GPC6: variants seen among roughly 807,000 people sequenced by gnomAD.
GPC6 encodes glypican 6.
Under a neutral mutation model 55.2 loss-of-function variants are expected in GPC6, and 14 were observed. That is an observed-to-expected ratio of 0.25 (90% CI 0.17 to 0.40). The LOEUF is 0.40. Among genes scored for constraint, GPC6 ranks in the 10% least tolerant of loss-of-function variants. The probability of loss-of-function intolerance (pLI) is 1.00; values close to 1 mark genes in which losing one functional copy is unlikely to be tolerated. For synonymous variants in GPC6, 278 were observed against 259.6 expected, an observed-to-expected ratio of 1.07 and a Z score of -0.68; for missense variants, 641 against 708.5, an observed-to-expected ratio of 0.90 and a Z score of 1.08.
At chr13:94,032,278 A>C (rs1271442896) in intron 4 of GPC6, among the ~76,000 whole-genome samples, 2 of 152,270 alleles carry the variant, frequency 1.3e-5, no homozygotes, top group Non-Finnish European at 2.9e-5. Flanking sequence ...TAATTATAAC[A>C]AACTATGACA....
upstream of GPC6, among the ~76,000 whole-genome samples, chr13:93,222,732 T>C (rs1875655891): frequency 1.3e-5 from 2 of 152,230 alleles, no homozygotes; most frequent in Admixed American, 6.5e-5. Flanking sequence ...TCATTGAGTT[T>C]GGTGTATAGG....
intron 4 of GPC6, among the ~76,000 whole-genome samples, chr13:94,209,992 C>T (rs560899942): frequency 6.6e-6 from 1 of 151,926 alleles, no homozygotes; most frequent in East Asian, 1.9e-4. Flanking sequence ...GGACCACAGG[C>T]ACATGCCACC....
At chr13:93,588,891 A>AT (rs1181161300) in intron 2 of GPC6, among the ~76,000 whole-genome samples, 1 of 152,116 alleles carries the variant, frequency 6.6e-6, no homozygotes, top group African/African-American at 2.4e-5. Flanking sequence ...GTTGCCTTTC[A>AT]TTCTTATTTT....
intron 2 of GPC6, among the ~76,000 whole-genome samples, chr13:93,591,571 A>C (rs1227377468): frequency 6.6e-6 from 1 of 152,008 alleles, no homozygotes; most frequent in Non-Finnish European, 1.5e-5. Flanking sequence ...ATGATTTTAT[A>C]TTCTTGGGGT....
chr13:93,301,194 G>A (rs1261946041), intron 1 of GPC6, among the ~76,000 whole-genome samples: 2 of 152,140 alleles, frequency 1.3e-5, no homozygotes, highest in South Asian at 4.1e-4. Flanking sequence ...TTGATAATGG[G>A]AATGCAAAAC....
At chr13:94,030,375 G>T (rs921419728) in intron 4 of GPC6, among the ~76,000 whole-genome samples, 1 of 151,966 alleles carries the variant, frequency 6.6e-6, no homozygotes, top group African/African-American at 2.4e-5. Context: ...TCCTTCTTTG[G>T]GTTCTGCTGT....
At chr13:93,399,253 A>G (rs1875979774) in intron 1 of GPC6, among the ~76,000 whole-genome samples, 1 of 152,194 alleles carries the variant, frequency 6.6e-6, no homozygotes, top group Non-Finnish European at 1.5e-5. Context: ...GGGCTTGTGC[A>G]TCTTCTCTTC....
chr13:93,604,742 G>T (rs7327692), intron 2 of GPC6, among the ~76,000 whole-genome samples: 14,296 of 152,098 alleles, frequency 0.094, 2,231 homozygotes, highest in African/African-American at 0.32. Flanking sequence ...GCAAACAACC[G>T]TTTGGGAATC....
In GPC6 at chr13:94,230,697, G is replaced by A. The variant is rs183913724; in HGVS notation, c.878-55652G>A. ...ATCAGACTCATCTCAGAGGATTGTT[G>A]AGAGTGTTGCAAAAAATGTACCTAA... On this transcript the variant is annotated intron_variant, in intron 4 of 8. Coordinates refer to ENST00000377047, the MANE Select transcript of GPC6 (RefSeq NM_005708.5). Among the ~76,000 whole-genome samples, 987 of 152,222 alleles carry A rather than the reference G, an allele frequency of 6.5e-3. 6 individuals carry two copies. The highest frequency in any genetic ancestry group is 0.028 in the South Asian group (133 of 4,820).
At chr13:93,236,147 G>A (rs900224943) in intron 1 of GPC6, among the ~76,000 whole-genome samples, 1 of 152,192 alleles carries the variant, frequency 6.6e-6, no homozygotes, top group Non-Finnish European at 1.5e-5. Context: ...GGAAGGCAAA[G>A]GATATGGTCT....
Position 94,014,773 on chromosome 13 carries a change from A to G in GPC6, c.712-12956A>G, listed in dbSNP as rs1010547161. 2.0e-5 allele frequency among the ~76,000 whole-genome samples: 3 copies of G among 152,216 alleles called. No homozygotes were observed. The East Asian group carries it at 5.8e-4, about 29-fold the overall frequency. On this transcript the variant is annotated intron_variant, in intron 3 of 8. Coordinates refer to ENST00000377047, the MANE Select transcript of GPC6 (RefSeq NM_005708.5). Reference sequence around the variant, plus strand: ...TTTGCCTATTCTGGACATTTTATATATAAATGGAATCATACAATATATGGT... The same window carrying G: ...TTTGCCTATTCTGGACATTTTATATGTAAATGGAATCATACAATATATGGT...
At chr13:93,247,366 G>T (rs1414701455) in intron 1 of GPC6, among the ~76,000 whole-genome samples, 2 of 152,182 alleles carry the variant, frequency 1.3e-5, no homozygotes, top group African/African-American at 4.8e-5. Flanking sequence ...ATCTGAAAAT[G>T]CAGGATTGCT....
intron 2 of GPC6, among the ~76,000 whole-genome samples, chr13:93,666,805 A>G (rs1881155572): frequency 6.6e-6 from 1 of 152,150 alleles, no homozygotes; most frequent in African/African-American, 2.4e-5. Context: ...AATCATTTTT[A>G]AAGGAGCTGG....
intron 1 of GPC6, among the ~76,000 whole-genome samples, chr13:93,237,334 AT>A (rs59699929): frequency 6.6e-6 from 1 of 151,722 alleles, no homozygotes; most frequent in Non-Finnish European, 1.5e-5. Context: ...AATGTTAAGC[AT>A]TTTTTTCACA....
chr13:94,159,188 G>A (rs994356700), intron 4 of GPC6, among the ~76,000 whole-genome samples: 2 of 152,116 alleles, frequency 1.3e-5, no homozygotes, highest in Non-Finnish European at 2.9e-5. Flanking sequence ...CTGAGACATT[G>A]GGCATATCAC....
At chr13:93,266,466 T>C (rs1436399224) in intron 1 of GPC6, among the ~76,000 whole-genome samples, 1 of 152,050 alleles carries the variant, frequency 6.6e-6, no homozygotes, top group African/African-American at 2.4e-5. Flanking sequence ...GCTTCAAAAG[T>C]AGAAGGAGGT....
intron 1 of GPC6, among the ~76,000 whole-genome samples, chr13:93,397,438 A>G (rs1006949927): frequency 1.3e-5 from 2 of 152,202 alleles, no homozygotes. Flanking sequence ...CTGAGTCACC[A>G]TTTGGATATC....
chr13:93,878,080 C>A (rs1408468646), intron 3 of GPC6, among the ~76,000 whole-genome samples: 2 of 151,864 alleles, frequency 1.3e-5, no homozygotes, highest in African/African-American at 4.8e-5. Flanking sequence ...TGTTATTTGT[C>A]TTTTTAAAAA....
intron 2 of GPC6, among the ~76,000 whole-genome samples, chr13:93,756,333 T>G (rs2138869802): frequency 6.6e-6 from 1 of 152,266 alleles, no homozygotes; most frequent in African/African-American, 2.4e-5. Flanking sequence ...ACCCATTTTC[T>G]TACACTACAG....
Sources: allele counts gnomAD v4.1 joint callset (sites outside exome capture counted in the v4.1 genomes callset), GRCh38; gene constraint gnomAD v4.1.1; transcripts MANE v1.5; gene names NCBI Gene and HGNC (gene_info 2026-07-23, HGNC 2026-07-21).